Variants in RBM26 observed in about 807,000 individuals in gnomAD.
RBM26 encodes the protein RNA binding motif protein 26.
A neutral mutation model predicts 123.6 loss-of-function variants in RBM26; 30 were observed. The ratio of observed to expected loss-of-function variants is 0.24; its 90% CI spans 0.18 to 0.33. RBM26 has a LOEUF of 0.33. Ranked by LOEUF, RBM26 falls within the 10% of genes least tolerant of loss-of-function variation. The pLI, the probability that RBM26 is intolerant of heterozygous loss-of-function variation, is 1.00. For missense variants in RBM26, 947 were observed against 1,203.6 expected, an observed-to-expected ratio of 0.79 and a Z score of 3.15; for synonymous variants, 400 against 404.4, an observed-to-expected ratio of 0.99 and a Z score of 0.13.
chr13:79,323,110 T>C (rs576281125), intron 20 of RBM26, among the ~76,000 whole-genome samples: 1 of 151,646 alleles, frequency 6.6e-6, no homozygotes, highest in African/African-American at 2.4e-5. Context: ...CAAACTTTTA[T>C]AACTGAATAT....
chr13:79,385,869 CTA>C (rs556596970), intron 1 of RBM26, among the ~76,000 whole-genome samples: 236 of 152,046 alleles, frequency 1.6e-3, no homozygotes, highest in Non-Finnish European at 2.7e-3. Context: ...GAAATGCTCT[CTA>C]TGTGTGGCAA....
chr13:79,388,974 T>C (rs1347159716), intron 1 of RBM26, among the ~76,000 whole-genome samples: 2 of 152,228 alleles, frequency 1.3e-5, no homozygotes, highest in African/African-American at 2.4e-5. Context: ...CTGAAGTATA[T>C]ATTAATGCTA....
exon 5 of RBM26, chr13:79,312,006 T>C (rs376428938): frequency 3.2e-4 from 48 of 152,198 alleles, no homozygotes; most frequent in Admixed American, 1.2e-3. Flanking sequence ...GTTTTATCTT[T>C]TTTCAGTTCA....
chr13:79,394,978 A>G (rs990167080), intron 1 of RBM26, among the ~76,000 whole-genome samples: 5 of 152,204 alleles, frequency 3.3e-5, no homozygotes, highest in Admixed American at 1.3e-4. Context: ...TTTGAAGCCA[A>G]TGGTGAACTG....
chr13:79,395,256 G>A (rs150909335), intron 1 of RBM26, among the ~76,000 whole-genome samples: 270 of 152,214 alleles, frequency 1.8e-3, no homozygotes, highest in African/African-American at 6.2e-3. Context: ...TAGATTAGAC[G>A]GGGACTTCAC....
intron 20 of RBM26, among the ~76,000 whole-genome samples, chr13:79,325,218 C>T (rs1593916540): frequency 6.6e-6 from 1 of 152,164 alleles, no homozygotes; most frequent in East Asian, 1.9e-4. Flanking sequence ...CTATACTATA[C>T]TCTTTATCAT....
At chr13:79,325,738 A>G (rs1053989382) in intron 20 of RBM26, among the ~76,000 whole-genome samples, 2 of 152,182 alleles carry the variant, frequency 1.3e-5, no homozygotes, top group African/African-American at 2.4e-5. Flanking sequence ...CTAAGTGTAC[A>G]GTGTTTATAA....
chr13:79,390,120 T>C (rs2077824883), intron 1 of RBM26, among the ~76,000 whole-genome samples: 1 of 152,202 alleles, frequency 6.6e-6, no homozygotes, highest in Non-Finnish European at 1.5e-5. Context: ...ATTTTTGGTT[T>C]CTATTTCTAC....
chr13:79,355,472 C>T, intron 11 of RBM26, 88 bp from the exon 12 acceptor site: 1 of 942,746 alleles, frequency 1.1e-6, no homozygotes, highest in South Asian at 1.6e-5. Flanking sequence ...AAATACTGGT[C>T]CTTCCAAGTA....
downstream of RBM26, chr13:79,315,135 G>A: frequency 2.3e-6 from 1 of 427,932 alleles, no homozygotes; most frequent in East Asian, 7.2e-5. Flanking sequence ...AAAGTTGCAG[G>A]AAAATTACAC....
chr13:79,398,751 C>T (rs9565496), intron 1 of RBM26, among the ~76,000 whole-genome samples: 1 of 151,838 alleles, frequency 6.6e-6, no homozygotes, highest in Admixed American at 6.6e-5. Flanking sequence ...ACTGAAGATG[C>T]TAGGAGTAAA....
At chr13:79,311,977 G>C (rs1403798890) in exon 5 of RBM26, 6 of 151,852 alleles carry the variant, frequency 4.0e-5, no homozygotes, top group Admixed American at 3.9e-4. Flanking sequence ...AAGCATACAA[G>C]AGTAGTATTC....
At chr13:79,400,372 C>T (rs142030791) in intron 1 of RBM26, among the ~76,000 whole-genome samples, 150 of 152,276 alleles carry the variant, frequency 9.9e-4, no homozygotes, top group African/African-American at 3.6e-3. Flanking sequence ...CTGCATCCTC[C>T]GGAGTTCCTC....
chr13:79,332,455 G>A (rs1443237948), intron 20 of RBM26, among the ~76,000 whole-genome samples: 1 of 152,090 alleles, frequency 6.6e-6, no homozygotes, highest in Non-Finnish European at 1.5e-5. Context: ...GCTTGTATAA[G>A]ATAAGCTTCA....
chr13:79,364,683 T>G (rs1170791503), intron 9 of RBM26, among the ~76,000 whole-genome samples: 3 of 152,094 alleles, frequency 2.0e-5, no homozygotes, highest in Admixed American at 1.3e-4. Context: ...AGTGTAGCAC[T>G]CTAGATGTAG....
intron 1 of RBM26, among the ~76,000 whole-genome samples, chr13:79,389,134 G>C (rs1219956667): frequency 1.3e-5 from 2 of 152,136 alleles, no homozygotes; most frequent in Admixed American, 1.3e-4. Flanking sequence ...GAACTCAAAA[G>C]TAGGCTAGAA....
chr13:79,382,636 T>C (rs2077154100), intron 1 of RBM26, among the ~76,000 whole-genome samples: 2 of 152,214 alleles, frequency 1.3e-5, no homozygotes, highest in South Asian at 4.1e-4. Flanking sequence ...ATAGCATTTG[T>C]AGAAGGCAAA....
rs1056363845 is a variant in RBM26, at chr13:79,334,433, T to G, written c.2734-3A>C. The G allele has an allele frequency of 6.7e-7, 1 of 1,495,282 alleles. No individual in the cohort carries two copies. Among genetic ancestry groups the G allele is most frequent in the Non-Finnish European group, 9.1e-7 (1 of 1,100,764 alleles). The allele number at this position is 1,495,282 out of a possible 1,614,324, so 92.6% of individuals were successfully genotyped here. A position where few individuals can be genotyped will look rare whatever the true frequency, so the allele number is the denominator to read the frequency against. On this transcript the variant is annotated splice_region_variant and splice_polypyrimidine_tract_variant and intron_variant, in intron 19 of 21. Coordinates refer to ENST00000438737, the MANE Select transcript of RBM26 (RefSeq NM_001366735.2). ...CAATCTTCAATTTCACCATATTGCTTTAAATTAAAAAAAAAGTATTTCCTC... is the reference window on the plus strand; with the variant it reads ...CAATCTTCAATTTCACCATATTGCTGTAAATTAAAAAAAAAGTATTTCCTC...
intron 1 of RBM26, among the ~76,000 whole-genome samples, chr13:79,390,118 T>C (rs2077824598): frequency 6.6e-6 from 1 of 152,174 alleles, no homozygotes; most frequent in Non-Finnish European, 1.5e-5. Flanking sequence ...TGATTTTTGG[T>C]TTCTATTTCT....
Sources: allele counts gnomAD v4.1 joint callset (sites outside exome capture counted in the v4.1 genomes callset), GRCh38; gene constraint gnomAD v4.1.1; transcripts MANE v1.5; gene names NCBI Gene and HGNC (gene_info 2026-07-23, HGNC 2026-07-21).